PLS3: variants seen among roughly 807,000 people sequenced by gnomAD.
The protein encoded by PLS3 is plastin 3, also known as plastin-3.
In PLS3, 11 loss-of-function variants were observed where a neutral mutation model predicts 46.5. The observed-to-expected ratio is 0.24, with a 90% CI of 0.15 to 0.39. The LOEUF (loss-of-function observed/expected upper bound fraction) is 0.39. Ranked by LOEUF, PLS3 falls within the 10% of genes least tolerant of loss-of-function variation. The pLI is 1.00. For missense variants in PLS3, 308 were observed against 461.8 expected (o/e 0.67, Z 3.05); for synonymous variants, 167 against 162.2 (o/e 1.03, Z -0.22).
intron 3 of PLS3, among the ~76,000 whole-genome samples, chrX:115,626,445 C>T (rs782041062): frequency 8.2e-5 from 9 of 109,523 alleles, no homozygotes; most frequent in Admixed American, 2.0e-4. Flanking sequence ...CCACCACGAC[C>T]GGCTAATTTT....
intron 1 of PLS3, among the ~76,000 whole-genome samples, chrX:115,596,142 A>T (rs145277784): frequency 0.023 from 2,569 of 112,150 alleles, 70 homozygotes; most frequent in African/African-American, 0.074. Context: ...TTGAAGTATT[A>T]AACAAGGGTA....
At chrX:115,579,805 T>C (rs1206300193) in intron 1 of PLS3, among the ~76,000 whole-genome samples, 1 of 111,493 alleles carries the variant, frequency 9.0e-6, no homozygotes, top group Non-Finnish European at 1.9e-5. Flanking sequence ...CAATCACGGC[T>C]CGCTGCAGCG....
At chrX:115,630,861 T>TA (rs1569528508) in intron 5 of PLS3, among the ~76,000 whole-genome samples, 1 of 79,397 alleles carries the variant, frequency 1.3e-5, no homozygotes. Context: ...TATATGTATA[T>TA]TATACATGTA....
intron 1 of PLS3, among the ~76,000 whole-genome samples, chrX:115,594,622 CCTCTCT>C (rs1323997837): frequency 1.0e-5 from 1 of 99,080 alleles, no homozygotes; most frequent in Non-Finnish European, 2.0e-5. Flanking sequence ...TCTTGCCTAG[CCTCTCT>C]CTCTCTCTCT....
intron 1 of PLS3, among the ~76,000 whole-genome samples, chrX:115,567,789 T>A (rs2074186957): frequency 9.6e-6 from 1 of 104,130 alleles, no homozygotes; most frequent in South Asian, 4.4e-4. Flanking sequence ...AAAATACAAG[T>A]CTGATTCCCT....
At chrX:115,640,220 C>T (rs1365657638) in intron 8 of PLS3, 188 bp from the exon 9 acceptor site, 21 of 723,145 alleles carry the variant, frequency 2.9e-5, no homozygotes, top group Non-Finnish European at 3.9e-5. Flanking sequence ...CCAGTTCATC[C>T]ATATGCAAGA....
intron 1 of PLS3, among the ~76,000 whole-genome samples, chrX:115,576,198 CAGTA>C (rs1218955315): frequency 8.9e-6 from 1 of 111,954 alleles, no homozygotes; most frequent in Non-Finnish European, 1.9e-5. Flanking sequence ...GGTATTTTGA[CAGTA>C]AGTTTGAGGG....
At chrX:115,609,823 T>A (rs1325000140) in intron 1 of PLS3, among the ~76,000 whole-genome samples, 1 of 112,344 alleles carries the variant, frequency 8.9e-6, no homozygotes. Context: ...TATTTGAAAA[T>A]CAATGTCTTC....
intron 1 of PLS3, among the ~76,000 whole-genome samples, chrX:115,591,229 GAACTTT>G (rs1246523374): frequency 8.9e-6 from 1 of 112,493 alleles, no homozygotes; most frequent in East Asian, 2.8e-4. Context: ...TCTATTCCTA[GAACTTT>G]AACTACAATG....
intron 10 of PLS3, among the ~76,000 whole-genome samples, chrX:115,644,630 ATAAT>A (rs1413360899): frequency 7.2e-4 from 79 of 110,198 alleles, no homozygotes; most frequent in African/African-American, 2.4e-3. Context: ...AAATAAATAA[ATAAT>A]GCAAATAGTA....
intron 3 of PLS3, among the ~76,000 whole-genome samples, chrX:115,628,560 T>C (rs1476725033): frequency 1.8e-5 from 2 of 111,692 alleles, no homozygotes; most frequent in African/African-American, 6.5e-5. Context: ...TGAAACTTAC[T>C]GTGTTATAAC....
intron 1 of PLS3, among the ~76,000 whole-genome samples, chrX:115,580,076 G>A (rs1166463544): frequency 8.9e-6 from 1 of 111,894 alleles, no homozygotes; most frequent in African/African-American, 3.2e-5. Context: ...AATTTTAAGA[G>A]GTCTTTATGT....
chrX:115,586,294 C>CT (rs1289008386), intron 1 of PLS3, among the ~76,000 whole-genome samples: 2 of 107,023 alleles, frequency 1.9e-5, no homozygotes, highest in African/African-American at 6.7e-5. Flanking sequence ...CAAGAATAAT[C>CT]TAATTTGCTG....
intron 3 of PLS3, among the ~76,000 whole-genome samples, chrX:115,626,287 T>C (rs1419362366): frequency 6.1e-5 from 6 of 98,289 alleles, no homozygotes; most frequent in Non-Finnish European, 1.2e-4. Flanking sequence ...TCATTTTTAC[T>C]TTTTTTTTTT....
intron 1 of PLS3, among the ~76,000 whole-genome samples, chrX:115,571,928 G>T (rs1556630768): frequency 4.5e-5 from 5 of 111,865 alleles, no homozygotes; most frequent in Non-Finnish European, 9.4e-5. Flanking sequence ...GAAGGCTATT[G>T]ACACATTCAG....
intron 1 of PLS3, among the ~76,000 whole-genome samples, chrX:115,586,602 T>C (rs1556632487): frequency 9.7e-6 from 1 of 103,520 alleles, no homozygotes; most frequent in East Asian, 3.1e-4. Context: ...TCGCTTGAAC[T>C]CGGGAGGGGG....
rs190795618 is a variant in PLS3 at position 115,567,070 on chromosome X, A to G, written c.-9+5810A>G. On this transcript the variant is annotated intron_variant, in intron 1 of 15. Coordinates refer to ENST00000355899, the MANE Select transcript of PLS3 (RefSeq NM_005032.7). ...GGTGGTGTTTTTCCCCTTTTTAACT[A>G]ACTACTGAGTAGAATTTTGGTCTTC... 1.6e-3 allele frequency among the ~76,000 whole-genome samples: 182 copies of G among 112,097 alleles called. No individual in the cohort carries two copies. The Admixed American group carries it at 0.017, about 10-fold the overall frequency.
intron 3 of PLS3, among the ~76,000 whole-genome samples, chrX:115,628,161 G>A (rs186596165): frequency 8.9e-6 from 1 of 112,131 alleles, no homozygotes; most frequent in Admixed American, 9.5e-5. Flanking sequence ...GCTTCTGCTC[G>A]TGCCTGCTCT....
At chrX:115,606,056 A>G (rs1232523676) in intron 1 of PLS3, among the ~76,000 whole-genome samples, 1 of 102,773 alleles carries the variant, frequency 9.7e-6, no homozygotes, top group Non-Finnish European at 2.0e-5. Flanking sequence ...GGATTTAATC[A>G]GAACCCAACT....
Sources: allele counts gnomAD v4.1 joint callset (sites outside exome capture counted in the v4.1 genomes callset), GRCh38; gene constraint gnomAD v4.1.1; transcripts MANE v1.5; gene names NCBI Gene and HGNC (gene_info 2026-07-23, HGNC 2026-07-21).